The following ZFAND3 variants were observed in gnomAD, a reference collection of about 807,000 sequenced individuals.
The protein encoded by ZFAND3 is zinc finger AN1-type containing 3.
In ZFAND3, 10 loss-of-function variants were observed where a neutral mutation model predicts 29.6. The ratio of observed to expected loss-of-function variants is 0.34; its 90% CI spans 0.21 to 0.57. The LOEUF is 0.57. ZFAND3 is among the 20% of genes least tolerant of loss of function. ZFAND3 has a pLI of 0.86. For missense variants in ZFAND3, 230 were observed against 304.5 expected (o/e 0.76, Z 1.82); for synonymous variants, 128 against 112.6 (o/e 1.14, Z -0.87).
chr6:37,998,729 G>A (rs1762894801), intron 2 of ZFAND3, among the ~76,000 whole-genome samples: 1 of 152,178 alleles, frequency 6.6e-6, no homozygotes, highest in Non-Finnish European at 1.5e-5. Flanking sequence ...TAAATAAATG[G>A]ATGGTGGAAG....
intron 2 of ZFAND3, among the ~76,000 whole-genome samples, chr6:38,009,738 G>T (rs935307200): frequency 6.6e-6 from 1 of 152,152 alleles, no homozygotes; most frequent in Non-Finnish European, 1.5e-5. Flanking sequence ...TCTCTGCTTT[G>T]ATCTGAATAT....
intron 2 of ZFAND3, among the ~76,000 whole-genome samples, chr6:37,998,305 G>A (rs1465676097): frequency 6.6e-6 from 1 of 152,152 alleles, no homozygotes; most frequent in African/African-American, 2.4e-5. Context: ...AAGTGAGGAG[G>A]ATTGAATAGG....
rs371797304 is a variant in ZFAND3 at position 37,994,515 on chromosome 6, T to C, written c.112+64516T>C. On this transcript the variant is annotated intron_variant, in intron 2 of 5. Coordinates refer to ENST00000287218, the MANE Select transcript of ZFAND3 (RefSeq NM_021943.3). ...CCCCTCATAGTAGAATGACTAATTA[T>C]GAGCTGCAGTCTTAACATTTTTCAT... Among the ~76,000 whole-genome samples the C allele has an allele frequency of 5.9e-5, 9 of 152,356 alleles. No homozygotes were observed. The East Asian group carries it at 1.7e-3, about 29-fold the overall frequency.
intron 3 of ZFAND3, among the ~76,000 whole-genome samples, chr6:38,066,790 A>T (rs1200879640): frequency 6.6e-6 from 1 of 152,232 alleles, no homozygotes; most frequent in African/African-American, 2.4e-5. Flanking sequence ...TGACAAAAGT[A>T]TGTAAAACTT....
At chr6:38,095,271 C>T (rs950518524) in intron 4 of ZFAND3, among the ~76,000 whole-genome samples, 5 of 152,198 alleles carry the variant, frequency 3.3e-5, no homozygotes, top group African/African-American at 1.2e-4. Context: ...ATAAGAATCT[C>T]TGAGCCATGG....
chr6:37,878,096 A>G (rs999607807), intron 1 of ZFAND3, among the ~76,000 whole-genome samples: 2 of 152,196 alleles, frequency 1.3e-5, no homozygotes, highest in African/African-American at 4.8e-5. Context: ...ATACAGTGAG[A>G]GTTGTGTGGG....
intron 2 of ZFAND3, among the ~76,000 whole-genome samples, chr6:37,961,356 C>T (rs1762192629): frequency 6.6e-6 from 1 of 152,232 alleles, no homozygotes; most frequent in South Asian, 2.1e-4. Flanking sequence ...ACCAGGTGGA[C>T]ATCTAAGGTT....
chr6:38,136,451 G>T (rs915584376), intron 5 of ZFAND3, among the ~76,000 whole-genome samples: 4 of 152,248 alleles, frequency 2.6e-5, no homozygotes, highest in African/African-American at 9.6e-5. Flanking sequence ...ATAGAAGACA[G>T]ATCTTTGCAT....
intron 2 of ZFAND3, among the ~76,000 whole-genome samples, chr6:38,036,452 A>T (rs760109592): frequency 3.3e-5 from 5 of 152,232 alleles, no homozygotes; most frequent in African/African-American, 4.8e-5. Flanking sequence ...TAAAATGTCC[A>T]GTTTTCAACA....
intron 2 of ZFAND3, among the ~76,000 whole-genome samples, chr6:38,017,543 T>A (rs1355762561): frequency 6.6e-6 from 1 of 152,180 alleles, no homozygotes; most frequent in African/African-American, 2.4e-5. Context: ...GCAGAGCTTG[T>A]CTTTTCATTT....
At chr6:37,872,235 C>T (rs1385790038) in intron 1 of ZFAND3, among the ~76,000 whole-genome samples, 1 of 152,216 alleles carries the variant, frequency 6.6e-6, no homozygotes, top group Non-Finnish European at 1.5e-5. Flanking sequence ...GAAACTTTCT[C>T]AATGCAATTC....
chr6:38,006,120 C>G (rs1763044235), intron 2 of ZFAND3, among the ~76,000 whole-genome samples: 1 of 152,182 alleles, frequency 6.6e-6, no homozygotes, highest in African/African-American at 2.4e-5. Context: ...GTAGTTACAG[C>G]TTCTGCATGT....
chr6:38,063,966 G>A lies in ZFAND3; in HGVS notation c.295+2191G>A, dbSNP rs563171512. ...CATATAAGAGGAGAAAAAAAAAAACGGTGAAAATGGTAGTGGTCATGCTAA... is the reference window on the plus strand; with the variant it reads ...CATATAAGAGGAGAAAAAAAAAAACAGTGAAAATGGTAGTGGTCATGCTAA... On this transcript the variant is annotated intron_variant, in intron 3 of 5. Transcript: ENST00000287218. Among the ~76,000 whole-genome samples the A allele has an allele frequency of 4.6e-5, 7 of 151,780 alleles. 1 individual carries two copies. In the South Asian group the frequency reaches 1.2e-3, roughly 27 times the overall value.
At chr6:37,833,541 A>C (rs1763902829) in intron 1 of ZFAND3, among the ~76,000 whole-genome samples, 1 of 152,038 alleles carries the variant, frequency 6.6e-6, no homozygotes, top group Admixed American at 6.6e-5. Context: ...AATAGACTTC[A>C]TGGCCGGGCA....
intron 4 of ZFAND3, among the ~76,000 whole-genome samples, chr6:38,101,758 G>A (rs1172425822): frequency 8.2e-6 from 1 of 121,232 alleles, no homozygotes; most frequent in East Asian, 2.5e-4. Flanking sequence ...TGGCAACAGA[G>A]CGAGACTCCC....
intron 1 of ZFAND3, among the ~76,000 whole-genome samples, chr6:37,897,517 A>G (rs1765241236): frequency 6.6e-6 from 1 of 152,192 alleles, no homozygotes; most frequent in Non-Finnish European, 1.5e-5. Flanking sequence ...TTCGTATTTC[A>G]AGAGTATATA....
At chr6:37,864,200 A>G (rs1764543373) in intron 1 of ZFAND3, among the ~76,000 whole-genome samples, 1 of 152,188 alleles carries the variant, frequency 6.6e-6, no homozygotes, top group African/African-American at 2.4e-5. Flanking sequence ...GAGGACCAGG[A>G]TAGAGACTCT....
chr6:38,135,499 C>T (rs1255128845), intron 5 of ZFAND3, among the ~76,000 whole-genome samples: 1 of 152,182 alleles, frequency 6.6e-6, no homozygotes, highest in Non-Finnish European at 1.5e-5. Flanking sequence ...AATCCCAGCA[C>T]TTTGGGAGGC....
At chr6:38,143,442 A>G (rs1766004740) in intron 5 of ZFAND3, among the ~76,000 whole-genome samples, 1 of 152,264 alleles carries the variant, frequency 6.6e-6, no homozygotes, top group South Asian at 2.1e-4. Flanking sequence ...CAGCTGCCTT[A>G]TGAGTTCTTT....
Sources: gnomAD v4.1 joint callset for allele counts (sites outside exome capture counted in the v4.1 genomes callset) on GRCh38, gnomAD v4.1.1 for gene constraint, MANE v1.5 for transcripts, NCBI Gene and HGNC (gene_info 2026-07-23, HGNC 2026-07-21) for gene names.